PDS5B: variants seen among roughly 807,000 people sequenced by gnomAD.
PDS5B encodes sister chromatid cohesion protein PDS5 homolog B.
Under a neutral mutation model 184.1 loss-of-function variants are expected in PDS5B, and 51 were observed. That is an observed-to-expected ratio of 0.28 (90% CI 0.22 to 0.35). PDS5B has a LOEUF of 0.35. PDS5B is among the 10% of genes least tolerant of loss of function. The probability of loss-of-function intolerance (pLI) is 1.00; values close to 1 mark genes in which losing one functional copy is unlikely to be tolerated. For missense variants in PDS5B, 1,180 were observed against 1,723.3 expected, an observed-to-expected ratio of 0.68 and a Z score of 5.58; for synonymous variants, 566 against 569.2, an observed-to-expected ratio of 0.99 and a Z score of 0.08.
chr13:32,600,411 C>T (rs535675535), intron 1 of PDS5B, among the ~76,000 whole-genome samples: 12 of 152,216 alleles, frequency 7.9e-5, no homozygotes, highest in Non-Finnish European at 1.3e-4. Flanking sequence ...TTTTTGGAAC[C>T]TTGGTCTTCT....
chr13:32,667,348 C>T (rs1040550045), intron 6 of PDS5B, among the ~76,000 whole-genome samples: 9 of 152,186 alleles, frequency 5.9e-5, no homozygotes, highest in African/African-American at 1.7e-4. Flanking sequence ...CTTTGTCCCT[C>T]CCCGCCTATG....
chr13:32,629,229 G>A (rs1025241104), intron 1 of PDS5B, among the ~76,000 whole-genome samples: 2 of 151,644 alleles, frequency 1.3e-5, no homozygotes, highest in African/African-American at 4.8e-5. Context: ...ATTAAAATAA[G>A]TTTGAAGAAT....
At chr13:32,773,015 T>G (rs1954841269) in intron 33 of PDS5B, among the ~76,000 whole-genome samples, 174 bp from the exon 34 acceptor site, 1 of 152,232 alleles carries the variant, frequency 6.6e-6, no homozygotes, top group Non-Finnish European at 1.5e-5. Context: ...ATATGTAACA[T>G]TCTATGATTA....
At chr13:32,753,298 T>A (rs1488587309) in intron 24 of PDS5B, 34 bp from the exon 25 acceptor site, 1 of 1,553,744 alleles carries the variant, frequency 6.4e-7, no homozygotes, top group East Asian at 2.3e-5. Flanking sequence ...TTGCTGCCAT[T>A]TGAATAATAT....
chr13:32,716,826 T>G (rs1480221246), intron 19 of PDS5B, among the ~76,000 whole-genome samples: 3 of 74,056 alleles, frequency 4.1e-5, no homozygotes, highest in Non-Finnish European at 1.1e-4. Flanking sequence ...CCAGCCGCCC[T>G]GTCTGGGAGG....
At chr13:32,668,069 T>C (rs776930680) in intron 7 of PDS5B, among the ~76,000 whole-genome samples, 2 of 152,206 alleles carry the variant, frequency 1.3e-5, no homozygotes, top group Admixed American at 6.5e-5. Context: ...TCTTTCAAAT[T>C]GCCTGAGAAC....
chr13:32,761,237 T>G (rs1170879920), intron 30 of PDS5B, among the ~76,000 whole-genome samples: 1 of 152,238 alleles, frequency 6.6e-6, no homozygotes, highest in Non-Finnish European at 1.5e-5. Context: ...TAACCTAGTA[T>G]AGAAAGGGAG....
chr13:32,657,447 A>C (rs968722042), intron 3 of PDS5B, among the ~76,000 whole-genome samples: 2 of 152,140 alleles, frequency 1.3e-5, no homozygotes, highest in African/African-American at 4.8e-5. Flanking sequence ...CTTTGACCCT[A>C]TCAGTGTCGT....
intron 1 of PDS5B, among the ~76,000 whole-genome samples, chr13:32,624,733 TTTGCTTCTACTGAGAAA>T (rs1472682624): frequency 1.3e-5 from 2 of 152,270 alleles, no homozygotes; most frequent in African/African-American, 2.4e-5. Context: ...AAGATTTCAG[TTTGCTTCTACTGAGAAA>T]TTGCTTCTAC....
chr13:32,652,577 TAAAAAAAAA>T (rs10627700), intron 3 of PDS5B: 30 of 119,862 alleles, frequency 2.5e-4, no homozygotes, highest in Non-Finnish European at 2.8e-4. Context: ...GTCTCTACTT[TAAAAAAAAA>T]AAAAAAAAAA....
At chr13:32,661,218 T>C (rs1262736627) in intron 6 of PDS5B, among the ~76,000 whole-genome samples, 2 of 151,558 alleles carry the variant, frequency 1.3e-5, no homozygotes, top group African/African-American at 4.8e-5. Flanking sequence ...ACCCTGTCTT[T>C]ACTAAAATTA....
At chr13:32,689,561 A>T (rs754013495) in intron 13 of PDS5B, 1 of 152,158 alleles carries the variant, frequency 6.6e-6, no homozygotes, top group Non-Finnish European at 1.5e-5. Context: ...AAGCTTGGCA[A>T]CCCTGGTTTA....
At chr13:32,608,288 C>G (rs1227666916) in intron 1 of PDS5B, among the ~76,000 whole-genome samples, 1 of 152,068 alleles carries the variant, frequency 6.6e-6, no homozygotes, top group African/African-American at 2.4e-5. Context: ...CTGATATAAC[C>G]CCAACTGACT....
rs567677865 is a variant in PDS5B, at chr13:32,592,262, CT to C, written c.-20+5678del. ...TGAGGTGTGCTTAGTTTTTGGTTTTCTTTTTTTTTGAGACGGAGTTTCGCAC... is the reference window on the plus strand; with the variant it reads ...TGAGGTGTGCTTAGTTTTTGGTTTTCTTTTTTTTGAGACGGAGTTTCGCAC... On this transcript the variant is annotated intron_variant, in intron 1 of 34. Transcript: ENST00000315596. 2.6e-3 allele frequency among the ~76,000 whole-genome samples: 392 copies of C among 151,426 alleles called. 3 individuals are homozygous for C. The highest frequency in any genetic ancestry group is 4.0e-3 in the Non-Finnish European group (274 of 67,802).
In PDS5B at chr13:32,777,313, T is replaced by G. The variant is rs1485379339; in HGVS notation, c.*2261T>G. On this transcript the variant is annotated 3_prime_UTR_variant, in exon 35 of 35. Transcript: ENST00000315596. ...TTTTACGACCTGTCTGTTCTTTTTT[T>G]GGGTGGATTACGATGTAAATTTTTC... 1 of 151,578 alleles carries G rather than the reference T, an allele frequency of 6.6e-6. No individual in the cohort carries two copies. The highest frequency in any genetic ancestry group is 2.4e-5 in the African/African-American group (1 of 41,316). 9.4% of individuals were successfully genotyped at this position (151,578 alleles called of 1,614,324 possible). A position where few individuals can be genotyped will look rare whatever the true frequency, so the allele number is the denominator to read the frequency against.
At chr13:32,758,487 A>G in intron 27 of PDS5B, 47 bp from the exon 28 acceptor site, 1 of 1,561,780 alleles carries the variant, frequency 6.4e-7, no homozygotes. Context: ...TACAGAGTCT[A>G]GATTGCCAGC....
At chr13:32,655,413 C>G (rs575501848) in intron 3 of PDS5B, among the ~76,000 whole-genome samples, 12 of 72,762 alleles carry the variant, frequency 1.6e-4, no homozygotes, top group Non-Finnish European at 3.0e-4. Context: ...GAGTTTCACA[C>G]CGTTGCTCAG....
At chr13:32,743,981 AATTAT>A (rs1476607085) in intron 23 of PDS5B, among the ~76,000 whole-genome samples, 7 of 152,058 alleles carry the variant, frequency 4.6e-5, no homozygotes, top group Non-Finnish European at 1.0e-4. Context: ...TCAATTTATT[AATTAT>A]ATTATTTTAT....
Position 32,694,436 on chromosome 13 carries a change from T to G in PDS5B, c.1551+132T>G, listed in dbSNP as rs561056. On this transcript the variant is annotated intron_variant, in intron 14 of 34. Transcript: ENST00000315596. ...TGATTGTAGAAGTTAGGATTCCTTG[T>G]TTAGAAAACTCTGAATTTTTAAGAA... 100 of 655,468 alleles carry G rather than the reference T, an allele frequency of 1.5e-4. 1 individual carries two copies. The highest frequency in any genetic ancestry group is 4.8e-5 in the Non-Finnish European group (18 of 375,812). 40.6% of individuals were successfully genotyped at this position (655,468 alleles called of 1,614,324 possible). A position where few individuals can be genotyped will look rare whatever the true frequency, so the allele number is the denominator to read the frequency against.
Sources: gnomAD v4.1 joint callset for allele counts (sites outside exome capture counted in the v4.1 genomes callset) on GRCh38, gnomAD v4.1.1 for gene constraint, MANE v1.5 for transcripts, NCBI Gene and HGNC (gene_info 2026-07-23, HGNC 2026-07-21) for gene names.